The following ARHGEF26 variants were observed in gnomAD, a reference collection of about 807,000 sequenced individuals.
ARHGEF26 encodes Rho guanine nucleotide exchange factor 26, also known as Rho guanine nucleotide exchange factor (GEF) 26.
In ARHGEF26, 59 loss-of-function variants were observed where a neutral mutation model predicts 89.4. That is an observed-to-expected ratio of 0.66 (90% CI 0.54 to 0.82). The LOEUF is 0.82. Among genes scored for constraint, ARHGEF26 ranks in the 40% least tolerant of loss-of-function variants. The pLI is 0.00. For synonymous variants in ARHGEF26, 500 were observed against 428.4 expected, an observed-to-expected ratio of 1.17 and a Z score of -2.06; for missense variants, 1,234 against 1,085.6, an observed-to-expected ratio of 1.14 and a Z score of -1.92.
intron 4 of ARHGEF26, among the ~76,000 whole-genome samples, chr3:154,133,691 T>C (rs532239117): frequency 1.1e-3 from 170 of 152,214 alleles, no homozygotes; most frequent in African/African-American, 4.0e-3. Flanking sequence ...GGCTATTTTT[T>C]GGTTCCATAT....
chr3:154,256,565 A>AAC lies in ARHGEF26; in HGVS notation c.*1093_*1094insCA. On this transcript the variant is annotated 3_prime_UTR_variant, in exon 15 of 15. Coordinates refer to ENST00000465093, the MANE Select transcript of ARHGEF26 (RefSeq NM_015595.4). ...TAATTAATTAAAAAAAAAAAAAAAA[A>AAC]AAAAAAAAAACCTTCCCAAATGAGC... The AAC allele has an allele frequency of 3.0e-6, 3 of 999,882 alleles. No individual in the cohort carries two copies. Among genetic ancestry groups the AAC allele is most frequent in the Non-Finnish European group, 3.6e-6 (3 of 839,770 alleles). 61.9% of individuals were successfully genotyped at this position (999,882 alleles called of 1,614,324 possible).
At chr3:154,164,311 A>T (rs1711857494) in intron 6 of ARHGEF26, among the ~76,000 whole-genome samples, 1 of 152,082 alleles carries the variant, frequency 6.6e-6, no homozygotes, top group South Asian at 2.1e-4. Context: ...GTATTAATTC[A>T]GTATATTATT....
At chr3:154,174,416 G>A (rs1712671211) in intron 6 of ARHGEF26, among the ~76,000 whole-genome samples, 1 of 152,160 alleles carries the variant, frequency 6.6e-6, no homozygotes, top group Non-Finnish European at 1.5e-5. Flanking sequence ...TGATCTTTTG[G>A]TCTGAATTAG....
At chr3:154,126,702 G>A (rs1269233663) in intron 3 of ARHGEF26, among the ~76,000 whole-genome samples, 1 of 152,192 alleles carries the variant, frequency 6.6e-6, no homozygotes, top group Non-Finnish European at 1.5e-5. Flanking sequence ...TCTGGCTCAT[G>A]TCTCTAAACT....
rs551249744 is a variant in ARHGEF26 at position 154,191,779 on chromosome 3, C to G, written c.1770+361C>G. On this transcript the variant is annotated intron_variant, in intron 8 of 14. Transcript: ENST00000465093. ...ACTCAGTCTCTTTGGGCCTAAGATTCCTCAGACTGATCACTGAGATCCCTT... is the reference window on the plus strand; with the variant it reads ...ACTCAGTCTCTTTGGGCCTAAGATTGCTCAGACTGATCACTGAGATCCCTT... 3.3e-5 allele frequency among the ~76,000 whole-genome samples: 5 copies of G among 152,278 alleles called. No homozygotes were observed. In the South Asian group the frequency reaches 1.0e-3, roughly 32 times the overall value.
chr3:154,210,645 A>G (rs939778500), intron 9 of ARHGEF26, among the ~76,000 whole-genome samples: 11 of 151,298 alleles, frequency 7.3e-5, no homozygotes, highest in African/African-American at 2.7e-4. Flanking sequence ...GGGTATGTCT[A>G]CAAACGTTGT....
chr3:154,171,300 A>G (rs866713430), intron 6 of ARHGEF26, among the ~76,000 whole-genome samples: 1 of 152,126 alleles, frequency 6.6e-6, no homozygotes, highest in African/African-American at 2.4e-5. Context: ...CACAGCTTCT[A>G]CCCTACTATC....
intron 9 of ARHGEF26, 75 bp from the exon 10 acceptor site, chr3:154,217,794 C>T: frequency 3.5e-6 from 4 of 1,138,496 alleles, no homozygotes; most frequent in African/African-American, 1.5e-5. Flanking sequence ...TAATTATTTC[C>T]TGTGAGAGTT....
At chr3:154,187,152 A>C (rs945191371) in intron 6 of ARHGEF26, 1 of 824,896 alleles carries the variant, frequency 1.2e-6, no homozygotes, top group Non-Finnish European at 1.5e-6. Flanking sequence ...GGCCTCCCAG[A>C]GTGCTGGGAT....
chr3:154,256,969 C>T lies in ARHGEF26; in HGVS notation c.*1496C>T. On this transcript the variant is annotated 3_prime_UTR_variant, in exon 15 of 15. Transcript: ENST00000465093. ...ATTTTTACTGGCAGCTATATTCCCT[C>T]TCTGTTCTATTTGCTTTAACAAAGG... 2 of 1,528,324 alleles carry T rather than the reference C, an allele frequency of 1.3e-6. No individual in the cohort carries two copies. Among genetic ancestry groups the T allele is most frequent in the Non-Finnish European group, 1.7e-6 (2 of 1,143,882 alleles). The allele number at this position is 1,528,324 out of a possible 1,614,324, so 94.7% of individuals were successfully genotyped here.
At chr3:154,142,280 C>G (rs1459928649) in intron 4 of ARHGEF26, among the ~76,000 whole-genome samples, 1 of 151,672 alleles carries the variant, frequency 6.6e-6, no homozygotes, top group Non-Finnish European at 1.5e-5. Context: ...GTTGGCCAGG[C>G]TGGTCTCGAA....
At chr3:154,126,829 C>A (rs1718359402) in intron 3 of ARHGEF26, among the ~76,000 whole-genome samples, 1 of 152,166 alleles carries the variant, frequency 6.6e-6, no homozygotes, top group Admixed American at 6.5e-5. Flanking sequence ...CTGAGAAATA[C>A]ACCCTTGGGC....
intron 4 of ARHGEF26, among the ~76,000 whole-genome samples, chr3:154,141,281 A>G (rs1719364571): frequency 6.6e-6 from 1 of 152,116 alleles, no homozygotes; most frequent in South Asian, 2.1e-4. Context: ...CCTATTTTTG[A>G]AAGGATGTAG....
intron 3 of ARHGEF26, among the ~76,000 whole-genome samples, chr3:154,128,916 G>C (rs1718505530): frequency 6.6e-6 from 1 of 152,086 alleles, no homozygotes; most frequent in African/African-American, 2.4e-5. Flanking sequence ...TACTATCAAA[G>C]TTATTTGCTT....
At chr3:154,129,843 G>C in intron 4 of ARHGEF26, 124 bp downstream of exon 4, 1 of 1,162,016 alleles carries the variant, frequency 8.6e-7, no homozygotes, top group Non-Finnish European at 1.2e-6. Context: ...ACTCTTTTTA[G>C]ATTGTGAAAT....
intron 6 of ARHGEF26, among the ~76,000 whole-genome samples, chr3:154,166,485 G>A (rs16823738): frequency 0.021 from 3,250 of 152,272 alleles, 97 homozygotes; most frequent in African/African-American, 0.074. Flanking sequence ...GGAGCAGAAA[G>A]CTTTATAAAG....
chr3:154,129,386 TGA>T (rs1718536864), intron 3 of ARHGEF26, among the ~76,000 whole-genome samples, 186 bp from the exon 4 acceptor site: 1 of 152,180 alleles, frequency 6.6e-6, no homozygotes, highest in African/African-American at 2.4e-5. Flanking sequence ...CCCCTGCAGT[TGA>T]GTTTGAGATA....
At chr3:154,202,060 T>C (rs2108212444) in intron 9 of ARHGEF26, among the ~76,000 whole-genome samples, 1 of 152,374 alleles carries the variant, frequency 6.6e-6, no homozygotes, top group Middle Eastern at 3.4e-3. Context: ...TTTGGTGTTT[T>C]AGACATGAAG....
At chr3:154,243,196 T>C (rs898769993) in intron 12 of ARHGEF26, among the ~76,000 whole-genome samples, 1 of 152,216 alleles carries the variant, frequency 6.6e-6, no homozygotes, top group Non-Finnish European at 1.5e-5. Context: ...AGAATGACTT[T>C]AACACTTTGG....
Sources: gnomAD v4.1 joint callset for allele counts (sites outside exome capture counted in the v4.1 genomes callset) on GRCh38, gnomAD v4.1.1 for gene constraint, MANE v1.5 for transcripts, NCBI Gene and HGNC (gene_info 2026-07-23, HGNC 2026-07-21) for gene names.